Variants in SLIT2 observed in about 807,000 individuals in gnomAD.
SLIT2 encodes slit guidance ligand 2, also known as slit homolog 2 protein.
A neutral mutation model predicts 185.7 loss-of-function variants in SLIT2; 41 were observed. The observed-to-expected ratio is 0.22, with a 90% confidence interval of 0.17 to 0.29. The LOEUF (loss-of-function observed/expected upper bound fraction) is 0.29. Among genes scored for constraint, SLIT2 ranks in the 10% least tolerant of loss-of-function variants. The pLI, the probability that SLIT2 is intolerant of heterozygous loss-of-function variation, is 1.00. For missense variants in SLIT2, 1,571 were observed against 1,909.0 expected (o/e 0.82, Z 3.30); for synonymous variants, 693 against 680.2 (o/e 1.02, Z -0.29).
At chr4:20,581,691 G>A (rs116056813) in intron 29 of SLIT2, among the ~76,000 whole-genome samples, 120 of 152,148 alleles carry the variant, frequency 7.9e-4, no homozygotes, top group African/African-American at 2.8e-3. Context: ...ATGTGCACTT[G>A]TATCCCCACT....
At position 20,356,952 on chromosome 4, in the gene SLIT2, C is replaced by T. The variant is rs529448910; in HGVS notation, c.395+88071C>T. 1.1e-4 allele frequency among the ~76,000 whole-genome samples: 17 copies of T among 152,064 alleles called. No homozygotes were observed. In the South Asian group the frequency reaches 1.2e-3, roughly 11 times the overall value. ...AAAAATTACTTCTCAGTCTGTAGGG[C>T]GTGCAAGTTTAAAACAAAACAAAAC... On this transcript the variant is annotated intron_variant, in intron 4 of 36. Transcript: ENST00000504154.
chr4:20,573,721 A>G (rs950272770), intron 29 of SLIT2, among the ~76,000 whole-genome samples: 1 of 152,128 alleles, frequency 6.6e-6, no homozygotes, highest in African/African-American at 2.4e-5. Context: ...AACATGTAAC[A>G]TGAAAAATAT....
chr4:20,488,778 T>C (rs1378016704), intron 7 of SLIT2, 41 bp from the exon 8 acceptor site: 1 of 1,498,104 alleles, frequency 6.7e-7, no homozygotes, highest in Admixed American at 2.0e-5. Context: ...AAATAACGAC[T>C]TTCTGTTTTC....
chr4:20,307,918 A>G (rs143230878), intron 4 of SLIT2, among the ~76,000 whole-genome samples: 1 of 152,302 alleles, frequency 6.6e-6, no homozygotes, highest in African/African-American at 2.4e-5. Flanking sequence ...CGTTTTCACA[A>G]CACAGCAGCT....
At chr4:20,576,487 A>G (rs1234528458) in intron 29 of SLIT2, among the ~76,000 whole-genome samples, 1 of 152,154 alleles carries the variant, frequency 6.6e-6, no homozygotes, top group Admixed American at 6.5e-5. Flanking sequence ...GATTTTGTGT[A>G]TATTTTTAGA....
chr4:20,265,657 T>G (rs1404878243), intron 3 of SLIT2, among the ~76,000 whole-genome samples: 2 of 147,162 alleles, frequency 1.4e-5, no homozygotes, highest in African/African-American at 2.5e-5. Context: ...ATATTTTCAG[T>G]TTTTTTTTTC....
intron 4 of SLIT2, among the ~76,000 whole-genome samples, chr4:20,371,499 A>G (rs1316338770): frequency 2.0e-5 from 3 of 152,140 alleles, no homozygotes; most frequent in South Asian, 2.1e-4. Flanking sequence ...TTTAAAGCAC[A>G]TGGAGGTGTC....
intron 5 of SLIT2, among the ~76,000 whole-genome samples, chr4:20,472,303 G>GATATAGAT (rs1266183007): frequency 3.2e-5 from 1 of 30,984 alleles, no homozygotes; most frequent in African/African-American, 2.0e-4. Context: ...TAGATATATA[G>GATATAGAT]ATCTATATAT....
At chr4:20,300,270 C>T (rs1377276686) in intron 4 of SLIT2, among the ~76,000 whole-genome samples, 1 of 151,942 alleles carries the variant, frequency 6.6e-6, no homozygotes, top group Non-Finnish European at 1.5e-5. Context: ...GTATTGAATT[C>T]CCATAATTGT....
At chr4:20,600,329 T>A (rs114113277) in intron 33 of SLIT2, among the ~76,000 whole-genome samples, 2 of 142,318 alleles carry the variant, frequency 1.4e-5, no homozygotes, top group African/African-American at 2.5e-5. Context: ...ATAACGAGTT[T>A]GTTTGAGTTT....
intron 4 of SLIT2, among the ~76,000 whole-genome samples, chr4:20,372,672 A>G (rs537910410): frequency 8.5e-5 from 13 of 152,138 alleles, no homozygotes; most frequent in African/African-American, 2.2e-4. Context: ...ACAATTTTGC[A>G]TATGAATTCT....
chr4:20,559,487 C>T (rs13328045), intron 26 of SLIT2, among the ~76,000 whole-genome samples: 4,655 of 151,914 alleles, frequency 0.031, 278 homozygotes, highest in African/African-American at 0.098. Context: ...GTTTCATTGT[C>T]CTATTAATGA....
chr4:20,415,228 G>C (rs553208962), intron 4 of SLIT2, among the ~76,000 whole-genome samples: 4 of 151,940 alleles, frequency 2.6e-5, no homozygotes, highest in African/African-American at 7.2e-5. Flanking sequence ...TGGCTAACAC[G>C]GTGAAACCCC....
chr4:20,324,216 T>G (rs1297884424), intron 4 of SLIT2, among the ~76,000 whole-genome samples: 1 of 152,098 alleles, frequency 6.6e-6, no homozygotes. Context: ...AGCCTGGGCA[T>G]GACACAACCA....
rs569574219 is a variant in SLIT2 at position 20,424,201 on chromosome 4, C to A, written c.396-43551C>A. Among the ~76,000 whole-genome samples, 94 of 152,048 alleles carry A rather than the reference C, an allele frequency of 6.2e-4. 1 individual carries two copies. Among genetic ancestry groups the A allele is most frequent in the Non-Finnish European group, 5.3e-4 (36 of 67,980 alleles). ...ATTGATCAAGTTAGTACAAACTAAC[C>A]ATAAAACACTTTTATCTGCTTATCA... On this transcript the variant is annotated intron_variant, in intron 4 of 36. Transcript: ENST00000504154.
At chr4:20,516,222 G>A (rs993659321) in intron 11 of SLIT2, among the ~76,000 whole-genome samples, 8 of 152,148 alleles carry the variant, frequency 5.3e-5, no homozygotes, top group African/African-American at 9.7e-5. Context: ...TGTGTTTAAC[G>A]TTCTTGGCCT....
At chr4:20,265,808 A>G (rs749027048) in intron 3 of SLIT2, among the ~76,000 whole-genome samples, 2 of 151,962 alleles carry the variant, frequency 1.3e-5, no homozygotes, top group Admixed American at 6.6e-5. Context: ...AAATAAATCT[A>G]TGTTTTGCCT....
chr4:20,272,081 A>G (rs1713683484), intron 4 of SLIT2, among the ~76,000 whole-genome samples: 1 of 152,074 alleles, frequency 6.6e-6, no homozygotes, highest in Non-Finnish European at 1.5e-5. Flanking sequence ...GTACAGTTGC[A>G]GCTGTGTTTG....
intron 4 of SLIT2, chr4:20,393,567 A>G (rs1206703943): frequency 5.3e-5 from 8 of 152,030 alleles, no homozygotes; most frequent in Admixed American, 5.3e-4. Context: ...TTGATTTAGA[A>G]AAAACACCAG....
Sources: gnomAD v4.1 joint callset for allele counts (sites outside exome capture counted in the v4.1 genomes callset) on GRCh38, gnomAD v4.1.1 for gene constraint, MANE v1.5 for transcripts, NCBI Gene and HGNC (gene_info 2026-07-23, HGNC 2026-07-21) for gene names.